Variants in VWF observed in about 807,000 individuals in gnomAD.
VWF encodes Factor VIII related antigen.
Under a neutral mutation model 308.6 loss-of-function variants are expected in VWF, and 176 were observed. The observed-to-expected ratio is 0.57, with a 90% CI of 0.50 to 0.65. The LOEUF (loss-of-function observed/expected upper bound fraction) is 0.65, where lower values mean the gene tolerates loss of function less well. VWF is among the 30% of genes least tolerant of loss of function. The pLI, the probability that VWF is intolerant of heterozygous loss-of-function variation, is 0.00. For missense variants in VWF, 3,146 were observed against 3,648.2 expected, an observed-to-expected ratio of 0.86 and a Z score of 3.55; for synonymous variants, 1,385 against 1,443.4, an observed-to-expected ratio of 0.96 and a Z score of 0.92.
intron 40 of VWF, among the ~76,000 whole-genome samples, chr12:5,984,228 GTAA>G (rs1450285855): frequency 6.6e-6 from 1 of 152,204 alleles, no homozygotes; most frequent in Non-Finnish European, 1.5e-5. Flanking sequence ...TAGGAGACTA[GTAA>G]TGTCTATAAA....
intron 19 of VWF, 62 bp from the exon 20 acceptor site, chr12:6,034,888 G>A (rs1944318027): frequency 3.7e-6 from 6 of 1,600,152 alleles, no homozygotes; most frequent in Non-Finnish European, 4.3e-6. Context: ...GCCCATCTGG[G>A]CCATGGAGGC....
In VWF at chr12:5,994,095, G is replaced by T. The variant is rs779593487; in HGVS notation, c.6365C>A (p.Thr2122Lys). The T allele has an allele frequency of 1.2e-6, 2 of 1,614,156 alleles. No individual in the cohort carries two copies. Among genetic ancestry groups the T allele is most frequent in the Admixed American group, 1.7e-5 (1 of 60,022 alleles). Residue 2122 changes from threonine (T) to lysine (K), a missense_variant, in exon 37 of 52, where the codon ACG becomes AAG. This residue lies in a region of VWF where 989 missense variants were observed against 1,117.4 expected (regional missense o/e 0.89). Transcript: ENST00000261405. ...QEWTVQRPGQ[T>K]CQPILEEQCL... Reference sequence around the variant, plus strand: ...CTGCTCCTCCAGGATGGGCTGGCACGTCTGCCCTGGCCGCTGCACAGTCCA... The same window carrying T: ...CTGCTCCTCCAGGATGGGCTGGCACTTCTGCCCTGGCCGCTGCACAGTCCA...
At position 6,019,422 on chromosome 12, in the gene VWF, C is replaced by T. The variant is rs776485375; in HGVS notation, c.3996G>A (p.Lys1332=). The part of the protein sequence containing the change: ...HDGSHAYIGL[K]DRKRPSELRR... ...GCAGCTCTGACGGTCGCTTCCGGTCCTTGAGCCCGATGTAGGCGTGGGAGC... is the reference window on the plus strand; with the variant it reads ...GCAGCTCTGACGGTCGCTTCCGGTCTTTGAGCCCGATGTAGGCGTGGGAGC... Residue 1332 remains lysine, a synonymous_variant, in exon 28 of 52, where the codon AAG becomes AAA. Transcript: ENST00000261405. The surrounding 1 kb of genome is among the most constrained non-coding windows in gnomAD (Gnocchi z 5.8). 1.9e-6 allele frequency: 3 copies of T among 1,613,966 alleles called. No homozygotes were observed. The highest frequency in any genetic ancestry group is 2.5e-6 in the Non-Finnish European group (3 of 1,179,872).
intron 10 of VWF, among the ~76,000 whole-genome samples, chr12:6,068,637 T>C (rs35881119): frequency 0.024 from 3,654 of 151,606 alleles, 51 homozygotes; most frequent in South Asian, 0.053. Flanking sequence ...GCCCAGCTAA[T>C]TTCTGTGGGT....
rs200719767 is a variant in VWF, at chr12:5,994,108, G to A, written c.6352C>T (p.Arg2118Trp). The change falls in exon 37 of 52, where the codon CGG becomes TGG. Residue 2118 changes from arginine (R) to tryptophan (W), a missense_variant. Around this residue, in one of 3 missense-constraint regions of VWF, gnomAD observed 989 missense variants for 1,117.4 expected, o/e 0.89. Coordinates refer to ENST00000261405, the MANE Select transcript of VWF (RefSeq NM_000552.5). ...KTLVQEWTVQRPGQTCQPILE... is the reference protein window; with the variant it reads ...KTLVQEWTVQWPGQTCQPILE... Reference sequence around the variant, plus strand: ...ATGGGCTGGCACGTCTGCCCTGGCCGCTGCACAGTCCATTCCTGAACAAGT... The same window carrying A: ...ATGGGCTGGCACGTCTGCCCTGGCCACTGCACAGTCCATTCCTGAACAAGT... The A allele has an allele frequency of 3.5e-5, 56 of 1,614,018 alleles. No individual in the cohort carries two copies. Among genetic ancestry groups the A allele is most frequent in the Middle Eastern group, 1.6e-4 (1 of 6,084 alleles).
At chr12:5,970,444 T>C (rs918085864) in intron 44 of VWF, among the ~76,000 whole-genome samples, 1 of 152,084 alleles carries the variant, frequency 6.6e-6, no homozygotes, top group African/African-American at 2.4e-5. Flanking sequence ...GCAGGAATAC[T>C]GAGCGCAAAG....
At chr12:6,094,195 A>G (rs1007661945) in intron 6 of VWF, among the ~76,000 whole-genome samples, 1 of 152,246 alleles carries the variant, frequency 6.6e-6, no homozygotes, top group African/African-American at 2.4e-5. Flanking sequence ...TCCAGCCTCC[A>G]GAACTGGGAG....
chr12:6,056,336 G>A (rs1944578185), intron 15 of VWF, among the ~76,000 whole-genome samples: 1 of 109,566 alleles, frequency 9.1e-6, no homozygotes. Flanking sequence ...TGCAGAGTGA[G>A]AATCTAAAGC....
chr12:6,005,044 T>C (rs1943911113), intron 34 of VWF, among the ~76,000 whole-genome samples: 1 of 152,130 alleles, frequency 6.6e-6, no homozygotes, highest in Non-Finnish European at 1.5e-5. Context: ...CAACAAACTT[T>C]TTATGGAGGT....
rs61748489 is a variant in VWF at position 6,031,580 on chromosome 12, T to C, written c.2686-2A>G. 1 of 1,614,090 alleles carries C rather than the reference T, an allele frequency of 6.2e-7. No homozygotes were observed. The highest frequency in any genetic ancestry group is 8.5e-7 in the Non-Finnish European group (1 of 1,180,012). The stretch of plus-strand genomic sequence containing the variant: ...CCCAGGGTTACTGCCGCAGTAATCC[T>C]GGGGAAAGAGGAGTGCCAGGAGAAG... On this transcript the variant is annotated splice_acceptor_variant, in intron 20 of 51. Coordinates refer to ENST00000261405, the MANE Select transcript of VWF (RefSeq NM_000552.5). LOFTEE classifies it high-confidence loss of function.
chr12:6,058,870 C>T lies in VWF; in HGVS notation c.1534-826G>A, dbSNP rs915883222. Reference sequence around the variant, plus strand: ...GAGTGGAGCCCGCCCTTCCCCCACACAGCTGGGGGCATCTGCTGGTTTCTA... The same window carrying T: ...GAGTGGAGCCCGCCCTTCCCCCACATAGCTGGGGGCATCTGCTGGTTTCTA... On this transcript the variant is annotated intron_variant, in intron 13 of 51. Transcript: ENST00000261405. The surrounding 1 kb of genome is among the most constrained non-coding windows in gnomAD (Gnocchi z 4.9). 6.6e-6 allele frequency among the ~76,000 whole-genome samples: 1 copy of T among 152,228 alleles called. No homozygotes were observed. The highest frequency in any genetic ancestry group is 2.4e-5 in the African/African-American group (1 of 41,446).
At chr12:5,958,768 C>T (rs1943278710) in intron 47 of VWF, among the ~76,000 whole-genome samples, 1 of 152,132 alleles carries the variant, frequency 6.6e-6, no homozygotes, top group Non-Finnish European at 1.5e-5. Context: ...TTTTCTTTCA[C>T]TAATTTGATC....
intron 44 of VWF, 131 bp from the exon 45 acceptor site, chr12:5,969,522 C>T: frequency 9.3e-7 from 1 of 1,069,642 alleles, no homozygotes; most frequent in Non-Finnish European, 1.4e-6. Flanking sequence ...AGTCCCACCA[C>T]AGGGTAGGGC....
intron 5 of VWF, among the ~76,000 whole-genome samples, chr12:6,102,378 GTTGCAGTGAGCCGAGA>G (rs1945173800): frequency 6.7e-6 from 1 of 149,434 alleles, no homozygotes; most frequent in Non-Finnish European, 1.5e-5. Context: ...GGAGGTGGAG[GTTGCAGTGAGCCGAGA>G]TTGCTCTGCT....
At chr12:6,081,334 TTTTTGTTTTGTTTTG>T (rs1047176422) in intron 6 of VWF, among the ~76,000 whole-genome samples, 1 of 151,200 alleles carries the variant, frequency 6.6e-6, no homozygotes, top group African/African-American at 2.4e-5. Context: ...CCAGTGGTGT[TTTTTGTTTTGTTTTG>T]TTTTGTTTTG....
At chr12:5,979,587 T>C (rs1591840226) in intron 42 of VWF, among the ~76,000 whole-genome samples, 1 of 150,556 alleles carries the variant, frequency 6.6e-6, no homozygotes, top group Middle Eastern at 3.4e-3. Context: ...CCGTCTCTAC[T>C]AATAATACAA....
chr12:6,090,895 A>G (rs1945027254), intron 6 of VWF, among the ~76,000 whole-genome samples: 1 of 152,134 alleles, frequency 6.6e-6, no homozygotes, highest in Non-Finnish European at 1.5e-5. Context: ...AGGGGCTATC[A>G]AGGGTATGGT....
chr12:6,075,553 T>G lies in VWF; in HGVS notation c.658-2A>C. The stretch of plus-strand genomic sequence containing the variant: ...AAGCTGGCACTGCTCCCACAGGCCC[T>G]GCAGGAAGAGGGGCCGCCTCAGCGG... On this transcript the variant is annotated splice_acceptor_variant, in intron 6 of 51. Transcript: ENST00000261405. LOFTEE classifies it high-confidence loss of function. This position sits in a 1 kb window ranked among gnomAD's most constrained non-coding sequence, Gnocchi z 4.7. The G allele has an allele frequency of 6.2e-7, 1 of 1,613,168 alleles. No individual in the cohort carries two copies. Among genetic ancestry groups the G allele is most frequent in the Non-Finnish European group, 8.5e-7 (1 of 1,179,568 alleles).
rs542901911 is a variant in VWF at position 6,032,414 on chromosome 12, C to T, written c.2686-836G>A. Among the ~76,000 whole-genome samples the T allele has an allele frequency of 2.3e-4, 35 of 151,234 alleles. 1 individual carries two copies. The highest frequency in any genetic ancestry group is 1.9e-3 in the South Asian group (9 of 4,788). On this transcript the variant is annotated intron_variant, in intron 20 of 51. Coordinates refer to ENST00000261405, the MANE Select transcript of VWF (RefSeq NM_000552.5). ...CAGCACTTTGGGAGGCTGAGGCGGG[C>T]GGATCACGAGGTCAGGAGATCGAGA...
Sources: gnomAD v4.1 joint callset for allele counts (sites outside exome capture counted in the v4.1 genomes callset) on GRCh38, gnomAD v4.1.1 for gene constraint, gnomAD v4.1.1 regional missense constraint, Gnocchi (gnomAD v3.1) non-coding constraint, MANE v1.5 for transcripts, NCBI Gene and HGNC (gene_info 2026-07-23, HGNC 2026-07-21) for gene names.